Variants in GATB observed in about 807,000 individuals in gnomAD.
GATB encodes glutamyl-tRNA(Gln) amidotransferase subunit B, mitochondrial.
A neutral mutation model predicts 62.3 loss-of-function variants in GATB; 39 were observed. The observed-to-expected ratio is 0.63, with a 90% CI of 0.48 to 0.82. GATB has a LOEUF of 0.82. Ranked by LOEUF, GATB falls within the 40% of genes least tolerant of loss-of-function variation. The pLI is 0.00. For missense variants in GATB, 670 were observed against 684.0 expected (o/e 0.98, Z 0.23); for synonymous variants, 276 against 258.9 (o/e 1.07, Z -0.63).
rs192955783 is a variant in GATB, at chr4:151,740,160, A to G, written c.327+18612T>C. Among the ~76,000 whole-genome samples the G allele has an allele frequency of 2.5e-3, 388 of 152,358 alleles. 7 individuals are homozygous for G. The highest frequency in any genetic ancestry group is 0.024 in the South Asian group (114 of 4,824). On this transcript the variant is annotated intron_variant, in intron 2 of 12. Coordinates refer to ENST00000263985, the MANE Select transcript of GATB (RefSeq NM_004564.3). The stretch of plus-strand genomic sequence containing the variant: ...TGATTTCTCAGTTGGTTCTGACTCA[A>G]GACAGGAAGCGAGTATTATTTTTAT...
intron 8 of GATB, chr4:151,703,470 T>G (rs566860465): frequency 2.6e-5 from 6 of 229,586 alleles, no homozygotes; most frequent in African/African-American, 1.4e-4. Flanking sequence ...ATCTCTTTTC[T>G]CATTTCTTCT....
intron 10 of GATB, among the ~76,000 whole-genome samples, chr4:151,687,802 C>A (rs1271301181): frequency 6.6e-6 from 1 of 152,172 alleles, no homozygotes; most frequent in Non-Finnish European, 1.5e-5. Context: ...GTGAGCCAGG[C>A]AGAGGGCTTC....
intron 11 of GATB, chr4:151,674,940 G>A (rs1370412977): frequency 6.6e-6 from 1 of 152,238 alleles, no homozygotes; most frequent in Non-Finnish European, 1.5e-5. Flanking sequence ...TGCGTCTGCA[G>A]ACACAGACCA....
At chr4:151,740,379 A>G (rs896347103) in intron 2 of GATB, among the ~76,000 whole-genome samples, 2 of 152,230 alleles carry the variant, frequency 1.3e-5, no homozygotes, top group African/African-American at 4.8e-5. Context: ...GGTATAGCCT[A>G]TGGCTCCTAC....
At chr4:151,688,889 C>T in intron 9 of GATB, 126 bp from the exon 10 acceptor site, 2 of 798,874 alleles carry the variant, frequency 2.5e-6, no homozygotes, top group South Asian at 1.8e-5. Context: ...TTTGCTAAAC[C>T]CTGAGATGTC....
intron 10 of GATB, among the ~76,000 whole-genome samples, chr4:151,683,875 C>T (rs1105536): frequency 0.56 from 85,567 of 152,078 alleles, 25,409 homozygotes; most frequent in African/African-American, 0.77. Flanking sequence ...GACAACACCA[C>T]GCTTCTAGGT....
At chr4:151,758,111 C>CA (rs1739873764) in intron 2 of GATB, among the ~76,000 whole-genome samples, 1 of 152,276 alleles carries the variant, frequency 6.6e-6, no homozygotes, top group African/African-American at 2.4e-5. Context: ...TAACTCACTG[C>CA]ATATTATGGC....
At chr4:151,728,740 GA>G (rs913014975) in intron 2 of GATB, among the ~76,000 whole-genome samples, 30 of 152,162 alleles carry the variant, frequency 2.0e-4, no homozygotes, top group African/African-American at 7.2e-4. Flanking sequence ...TTTCATGACT[GA>G]AAAGCTCTAA....
At chr4:151,671,401 G>T in intron 12 of GATB, 99 bp from the exon 13 acceptor site, 1 of 1,191,450 alleles carries the variant, frequency 8.4e-7, no homozygotes, top group Non-Finnish European at 1.2e-6. Flanking sequence ...ATTAAATTCC[G>T]CTTATTTCCA....
chr4:151,748,962 T>C (rs376727552), intron 2 of GATB, among the ~76,000 whole-genome samples: 1 of 152,154 alleles, frequency 6.6e-6, no homozygotes, highest in African/African-American at 2.4e-5. Context: ...CAGTGAGATA[T>C]CATCTCACAC....
intron 5 of GATB, among the ~76,000 whole-genome samples, chr4:151,708,567 G>C (rs1009551328): frequency 3.3e-5 from 5 of 152,214 alleles, no homozygotes; most frequent in African/African-American, 1.2e-4. Flanking sequence ...TTCTAACAGT[G>C]ATTCCAGGAG....
In GATB at chr4:151,717,029, C is replaced by G. The variant is rs1738927754; in HGVS notation, c.487G>C (p.Gly163Arg). 1.2e-6 allele frequency: 2 copies of G among 1,614,124 alleles called. No homozygotes were observed. Among genetic ancestry groups the G allele is most frequent in the East Asian group, 4.5e-5 (2 of 44,868 alleles). ...TQQRLPIAVNGSLIYGVCAGK... is the reference protein window; with the variant it reads ...TQQRLPIAVNRSLIYGVCAGK... ...GCACAGACGCCATATATCAAGCTCC[C>G]ATTCACAGCAATTGGGAGCCTCTGC... Residue 163 changes from glycine (G) to arginine (R), a missense_variant, in exon 4 of 13, where the codon GGG becomes CGG. By Grantham distance (125) the Gly-to-Arg change is moderately radical. Transcript: ENST00000263985.
Position 151,760,927 on chromosome 4 carries a change from C to T in GATB, c.56G>A (p.Arg19Gln), listed in dbSNP as rs1469520913. 5 of 1,613,724 alleles carry T rather than the reference C, an allele frequency of 3.1e-6. No individual in the cohort carries two copies. Among genetic ancestry groups the T allele is most frequent in the Non-Finnish European group, 3.4e-6 (4 of 1,179,948 alleles). ...TCGGTGGCAAGAACCACCGTCAACC[C>T]GGGCGAAAGCCCAACGTCTTCCACG... The part of the protein sequence containing the change: ...GCRGRRWAFA[R>Q]VDGGSCHRRG... Residue 19 changes from arginine to glutamine, a missense_variant, in exon 1 of 13, where the codon CGG (arginine) becomes CAG (glutamine). Physicochemically the swap from Arg to Gln is conservative, Grantham distance 43. Coordinates refer to ENST00000263985, the MANE Select transcript of GATB (RefSeq NM_004564.3).
chr4:151,740,882 G>A (rs960080107), intron 2 of GATB, among the ~76,000 whole-genome samples: 4 of 151,996 alleles, frequency 2.6e-5, no homozygotes, highest in African/African-American at 9.7e-5. Context: ...TCGAATGGCA[G>A]AGACAAAAAT....
intron 11 of GATB, chr4:151,675,569 C>T (rs564788192): frequency 1.3e-5 from 2 of 152,330 alleles, no homozygotes; most frequent in East Asian, 1.9e-4. Context: ...ACAGAGTGGC[C>T]TCTGTGGCTG....
At position 151,736,120 on chromosome 4, in the gene GATB, A is replaced by T. The variant is rs188417693; in HGVS notation, c.328-16582T>A. ...CTCTAGAAAGAAAACATTACATATTAAAGCTATCTACCTAAACTTTCCTAT... is the reference window on the plus strand; with the variant it reads ...CTCTAGAAAGAAAACATTACATATTTAAGCTATCTACCTAAACTTTCCTAT... On this transcript the variant is annotated intron_variant, in intron 2 of 12. Coordinates refer to ENST00000263985, the MANE Select transcript of GATB (RefSeq NM_004564.3). Among the ~76,000 whole-genome samples, 303 of 152,328 alleles carry T rather than the reference A, an allele frequency of 2.0e-3. 6 individuals are homozygous for T. Among genetic ancestry groups the T allele is most frequent in the Non-Finnish European group, 5.9e-4 (40 of 68,038 alleles).
chr4:151,730,826 G>T lies in GATB; in HGVS notation c.328-11288C>A, dbSNP rs1739229334. On this transcript the variant is annotated intron_variant, in intron 2 of 12. Coordinates refer to ENST00000263985, the MANE Select transcript of GATB (RefSeq NM_004564.3). The surrounding 1 kb of genome is among the most constrained non-coding windows in gnomAD (Gnocchi z 4.1). ...CTGACAGAGCCTACCCAAATGAGAA[G>T]GAACGAGAAAACCAACGCTGGTAAT... Among the ~76,000 whole-genome samples, 1 of 152,140 alleles carries T rather than the reference G, an allele frequency of 6.6e-6. No individual in the cohort carries two copies. The highest frequency in any genetic ancestry group is 1.9e-4 in the East Asian group (1 of 5,182).
Position 151,705,205 on chromosome 4 carries a change from G to T in GATB, c.942C>A (p.Arg314=). The T allele has an allele frequency of 6.2e-7, 1 of 1,613,014 alleles. No homozygotes were observed. The highest frequency in any genetic ancestry group is 1.1e-5 in the South Asian group (1 of 91,026). The change falls in exon 7 of 13, where the codon CGC becomes CGA. Residue 314 remains arginine, a synonymous_variant. Transcript: ENST00000263985. ...ENGGEILNET[R]SFHHKLGCTM... is the part of the protein sequence containing the mutation. ...CTCACCCCAGCTTGTGATGAAATGA[G>T]CGTGTTTCGTTCAGAATTTCACCTC...
rs376923319 is a variant in GATB at position 151,672,900 on chromosome 4, T to A, written c.1411-4A>T. ...TCTTCCACAGTTCCTCAAACACCTA[T>A]GGACCAGAGAAGGGAGAGGAAAGAG... On this transcript the variant is annotated splice_polypyrimidine_tract_variant and splice_region_variant and intron_variant, in intron 11 of 12. Coordinates refer to ENST00000263985, the MANE Select transcript of GATB (RefSeq NM_004564.3). 1.2e-6 allele frequency: 2 copies of A among 1,613,954 alleles called. No individual in the cohort carries two copies. The highest frequency in any genetic ancestry group is 1.3e-5 in the African/African-American group (1 of 74,922).
Sources: allele counts gnomAD v4.1 joint callset (sites outside exome capture counted in the v4.1 genomes callset), GRCh38; gene constraint gnomAD v4.1.1; non-coding constraint Gnocchi (gnomAD v3.1); transcripts MANE v1.5; gene names NCBI Gene and HGNC (gene_info 2026-07-23, HGNC 2026-07-21).